The following CNTNAP3 variants were observed in gnomAD, a reference collection of about 807,000 sequenced individuals.
CNTNAP3 encodes the protein contactin associated protein family member 3, also known as contactin-associated protein-like 3.
In CNTNAP3, 36 loss-of-function variants were observed where a neutral mutation model predicts 92.1. That is an observed-to-expected ratio of 0.39 (90% CI 0.30 to 0.52). CNTNAP3 has a LOEUF of 0.52. Among genes scored for constraint, CNTNAP3 ranks in the 20% least tolerant of loss-of-function variants. The pLI, the probability that CNTNAP3 is intolerant of heterozygous loss-of-function variation, is 0.76. For synonymous variants in CNTNAP3, 232 were observed against 422.3 expected (o/e 0.55, Z 5.53); for missense variants, 534 against 1,069.6 (o/e 0.50, Z 6.98).
chr9:39,087,546 G>A (rs1301269899), intron 19 of CNTNAP3, among the ~76,000 whole-genome samples: 1 of 151,854 alleles, frequency 6.6e-6, no homozygotes, highest in South Asian at 2.1e-4. Context: ...GAGTGCAGTG[G>A]CGCGATCTGG....
chr9:39,109,463 C>T (rs960524910), intron 14 of CNTNAP3, among the ~76,000 whole-genome samples, 176 bp from the exon 15 acceptor site: 1 of 152,038 alleles, frequency 6.6e-6, no homozygotes, highest in African/African-American at 2.4e-5. Context: ...GATGGGCAAA[C>T]ATTTTGTGTA....
rs1821337768 is a variant in CNTNAP3 at position 39,133,040 on chromosome 9, C to T, written c.1972G>A (p.Ala658Thr). 6.5e-7 allele frequency: 1 copy of T among 1,549,828 alleles called. No individual in the cohort carries two copies. Among genetic ancestry groups the T allele is most frequent in the African/African-American group, 1.4e-5 (1 of 73,880 alleles). Residue 658 changes from alanine to threonine, a missense_variant, in exon 13 of 24, where the codon GCG becomes ACG. By Grantham distance (58) the Ala-to-Thr change is moderately conservative. Coordinates refer to ENST00000297668, the MANE Select transcript of CNTNAP3 (RefSeq NM_033655.5). ...AGCTGCCCCGCGCCCGCTGCGTACG[C>T]GAAGGACACAGCCGAGCGCGGGTGC... ...SGHPRSAVSFAYAAGAGQLRS... is the reference protein window; with the variant it reads ...SGHPRSAVSFTYAAGAGQLRS...
At chr9:39,107,496 A>T (rs1826636713) in intron 15 of CNTNAP3, among the ~76,000 whole-genome samples, 1 of 152,200 alleles carries the variant, frequency 6.6e-6, no homozygotes, top group African/African-American at 2.4e-5. Context: ...CACTATGGGA[A>T]TAATATAAAA....
chr9:39,115,109 T>G (rs1587715073), intron 14 of CNTNAP3, among the ~76,000 whole-genome samples: 1 of 151,982 alleles, frequency 6.6e-6, no homozygotes, highest in Non-Finnish European at 1.5e-5. Context: ...AACTTTTTTT[T>G]AAGTAATATG....
chr9:39,067,614 T>A lies in CNTNAP3; in HGVS notation c.*6276A>T, dbSNP rs1299183197. Among the ~76,000 whole-genome samples, 1 of 152,306 alleles carries A rather than the reference T, an allele frequency of 6.6e-6. No individual in the cohort carries two copies. The highest frequency in any genetic ancestry group is 1.5e-5 in the Non-Finnish European group (1 of 68,052). ...GGTTTCCACCTTGTTAGCAGGATGG[T>A]CTCCATCTCCCGACCTCGTGATCTG... On this transcript the variant is annotated 3_prime_UTR_variant, in exon 24 of 24. Transcript: ENST00000297668.
At position 39,069,286 on chromosome 9, in the gene CNTNAP3, G is replaced by A. The variant is rs1825584412; in HGVS notation, c.*4604C>T. Among the ~76,000 whole-genome samples, 1 of 152,152 alleles carries A rather than the reference G, an allele frequency of 6.6e-6. No individual in the cohort carries two copies. Among genetic ancestry groups the A allele is most frequent in the African/African-American group, 2.4e-5 (1 of 41,412 alleles). On this transcript the variant is annotated 3_prime_UTR_variant, in exon 24 of 24. Transcript: ENST00000297668. ...GCCTTTGTGAATTTTGCAAAAATGGGGACAATTATATGTTTTACCTCATTG... is the reference window on the plus strand; with the variant it reads ...GCCTTTGTGAATTTTGCAAAAATGGAGACAATTATATGTTTTACCTCATTG...
intron 16 of CNTNAP3, among the ~76,000 whole-genome samples, chr9:39,102,959 GAT>G (rs1382390248): frequency 6.6e-6 from 1 of 151,990 alleles, no homozygotes; most frequent in Non-Finnish European, 1.5e-5. Flanking sequence ...AAATAGTAGA[GAT>G]ATGTACCCAT....
chr9:39,101,293 C>CG (rs1476945324), intron 17 of CNTNAP3, among the ~76,000 whole-genome samples: 9 of 151,930 alleles, frequency 5.9e-5, no homozygotes, highest in Admixed American at 3.9e-4. Context: ...CATTTAGTAC[C>CG]TGGAAGTTGT....
At chr9:39,106,880 G>A (rs1826617960) in intron 15 of CNTNAP3, among the ~76,000 whole-genome samples, 1 of 152,128 alleles carries the variant, frequency 6.6e-6, no homozygotes, top group African/African-American at 2.4e-5. Context: ...TCAGTGTGAT[G>A]CCTGGCACAG....
intron 13 of CNTNAP3, 30 bp downstream of exon 13, chr9:39,132,902 A>G (rs138227053): frequency 0.052 from 78,596 of 1,524,226 alleles, 2,351 homozygotes; most frequent in Non-Finnish European, 0.06. Flanking sequence ...GGCCCCGTGA[A>G]CCCCTGTAGC....
At chr9:39,113,995 C>CACACACATATATAT (rs200670702) in intron 14 of CNTNAP3, among the ~76,000 whole-genome samples, 7 of 145,870 alleles carry the variant, frequency 4.8e-5, no homozygotes, top group Admixed American at 1.3e-4. Flanking sequence ...TATATATACA[C>CACACACATATATAT]ACACACATAT....
At chr9:39,119,082 A>T (rs1269053145) in intron 13 of CNTNAP3, among the ~76,000 whole-genome samples, 5 of 152,162 alleles carry the variant, frequency 3.3e-5, no homozygotes, top group African/African-American at 1.2e-4. Flanking sequence ...CACCTATCTT[A>T]AAAAAGGAAG....
At chr9:39,123,400 T>A (rs945413138) in intron 13 of CNTNAP3, among the ~76,000 whole-genome samples, 3 of 151,998 alleles carry the variant, frequency 2.0e-5, no homozygotes, top group Non-Finnish European at 4.4e-5. Context: ...CCGACCCTGT[T>A]GGACAATTTC....
In CNTNAP3 at chr9:39,069,719, T is replaced by G. The variant is rs1311112950; in HGVS notation, c.*4171A>C. Among the ~76,000 whole-genome samples the G allele has an allele frequency of 2.8e-4, 43 of 152,310 alleles. No individual in the cohort carries two copies. In the South Asian group the frequency reaches 8.7e-3, roughly 31 times the overall value. ...GCAACTTTATGTAACCTTCTTAAGG[T>G]TACATTTGCACTTAAGTATACCAAC... On this transcript the variant is annotated 3_prime_UTR_variant, in exon 24 of 24. Coordinates refer to ENST00000297668, the MANE Select transcript of CNTNAP3 (RefSeq NM_033655.5).
intron 12 of CNTNAP3, among the ~76,000 whole-genome samples, chr9:39,137,761 G>T (rs1380699077): frequency 1.3e-5 from 2 of 152,098 alleles, no homozygotes; most frequent in Non-Finnish European, 2.9e-5. Context: ...TGATCCACCT[G>T]CCTCAGCCTC....
intron 13 of CNTNAP3, among the ~76,000 whole-genome samples, chr9:39,131,325 A>G (rs930914630): frequency 2.8e-4 from 43 of 152,346 alleles, no homozygotes; most frequent in Non-Finnish European, 3.5e-4. Flanking sequence ...AAGAGGAAAC[A>G]AAGTCTGAGA....
rs1224709254 is a variant in CNTNAP3 at position 39,102,727 on chromosome 9, A to G, written c.2537-12T>C. The G allele has an allele frequency of 1.0e-6, 1 of 977,808 alleles. No individual in the cohort carries two copies. The allele number at this position is 977,808 out of a possible 1,614,324, so 60.6% of individuals were successfully genotyped here. On this transcript the variant is annotated splice_polypyrimidine_tract_variant and intron_variant, in intron 16 of 23. Transcript: ENST00000297668. ...CACTTCTGTGGGAGCTAGAAATATT[A>G]GATATGAATATTGCTCAAGCAAATT... is the stretch of plus-strand genomic sequence containing the variant.
chr9:39,094,479 T>G (rs1432975395), intron 18 of CNTNAP3, among the ~76,000 whole-genome samples: 1 of 151,646 alleles, frequency 6.6e-6, no homozygotes, highest in East Asian at 1.9e-4. Flanking sequence ...CTTCTAAAAA[T>G]TTTATAGTTT....
chr9:39,100,968 T>C (rs1826443106), intron 17 of CNTNAP3, among the ~76,000 whole-genome samples: 1 of 150,910 alleles, frequency 6.6e-6, no homozygotes, highest in South Asian at 2.1e-4. Flanking sequence ...ATCTGAACTA[T>C]CAATCAGCTT....
Sources: gnomAD v4.1 joint callset for allele counts (sites outside exome capture counted in the v4.1 genomes callset) on GRCh38, gnomAD v4.1.1 for gene constraint, MANE v1.5 for transcripts, NCBI Gene and HGNC (gene_info 2026-07-23, HGNC 2026-07-21) for gene names.